Variants in CNBD1 observed in about 807,000 individuals in gnomAD.
CNBD1 encodes cyclic nucleotide binding domain containing 1, also known as cyclic nucleotide-binding domain-containing protein 1.
In CNBD1, 71 loss-of-function variants were observed where a neutral mutation model predicts 54.4. That is an observed-to-expected ratio of 1.30 (90% confidence interval 1.08 to 1.59). The LOEUF is 1.59. CNBD1 is among the 40% of genes most tolerant of loss of function. The probability of loss-of-function intolerance (pLI) is 0.00; values close to 1 mark genes in which losing one functional copy is unlikely to be tolerated. For synonymous variants in CNBD1, 182 were observed against 170.7 expected, an observed-to-expected ratio of 1.07 and a Z score of -0.51; for missense variants, 659 against 518.0, an observed-to-expected ratio of 1.27 and a Z score of -2.64.
chr8:86,950,538 T>C (rs1305549297), intron 4 of CNBD1, among the ~76,000 whole-genome samples: 1 of 152,168 alleles, frequency 6.6e-6, no homozygotes, highest in African/African-American at 2.4e-5. Flanking sequence ...TTGTTGTGTT[T>C]AGTTTGCTAG....
At chr8:87,400,839 G>T (rs1402039815) in intron 2 of CNBD1, among the ~76,000 whole-genome samples, 1 of 151,900 alleles carries the variant, frequency 6.6e-6, no homozygotes, top group Non-Finnish European at 1.5e-5. Context: ...TTCAACTTTG[G>T]CTGCTTATTG....
chr8:86,997,879 C>A (rs1808910833), intron 4 of CNBD1, among the ~76,000 whole-genome samples: 1 of 152,078 alleles, frequency 6.6e-6, no homozygotes, highest in Non-Finnish European at 1.5e-5. Flanking sequence ...GAATTCTCCC[C>A]TATAAGAAGC....
At chr8:87,062,595 G>A (rs1204747208) in intron 4 of CNBD1, among the ~76,000 whole-genome samples, 2 of 151,966 alleles carry the variant, frequency 1.3e-5, no homozygotes, top group Non-Finnish European at 2.9e-5. Context: ...AAATCAGCTG[G>A]GCATGGTGGC....
At chr8:87,304,498 A>AG (rs1232612580) in intron 8 of CNBD1, among the ~76,000 whole-genome samples, 1 of 150,284 alleles carries the variant, frequency 6.7e-6, no homozygotes, top group African/African-American at 2.5e-5. Context: ...GGGTGGGGTG[A>AG]GGGGGGAGAG....
chr8:87,269,996 C>A (rs1370491594), intron 6 of CNBD1, among the ~76,000 whole-genome samples: 1 of 151,876 alleles, frequency 6.6e-6, no homozygotes, highest in Non-Finnish European at 1.5e-5. Context: ...GAAATAGATA[C>A]AAAGATCCTC....
chr8:87,060,093 A>G (rs1293433101), intron 4 of CNBD1, among the ~76,000 whole-genome samples: 1 of 152,190 alleles, frequency 6.6e-6, no homozygotes, highest in Non-Finnish European at 1.5e-5. Flanking sequence ...CAGATGCAAG[A>G]AAACAAGTTT....
chr8:86,999,153 G>A (rs946257549), intron 4 of CNBD1, among the ~76,000 whole-genome samples: 4 of 152,122 alleles, frequency 2.6e-5, no homozygotes, highest in Non-Finnish European at 4.4e-5. Context: ...TGACATTCAC[G>A]GCTTCTTTTT....
chr8:87,365,034 T>A (rs1209509293), intron 10 of CNBD1, among the ~76,000 whole-genome samples: 1 of 152,062 alleles, frequency 6.6e-6, no homozygotes, highest in East Asian at 1.9e-4. Context: ...GATCAAATGG[T>A]AGTTCTTGTT....
rs182440013 is a variant in CNBD1 at position 87,348,668 on chromosome 8, C to G, written c.1043-3017C>G. Among the ~76,000 whole-genome samples the G allele has an allele frequency of 2.2e-3, 342 of 152,254 alleles. 1 individual carries two copies. The highest frequency in any genetic ancestry group is 3.9e-3 in the Non-Finnish European group (267 of 68,012). On this transcript the variant is annotated intron_variant, in intron 8 of 10. Transcript: ENST00000518476. ...GTTAGACTAGTAGGCTGAGGTTTAT[C>G]TTAAAATAAGAGGATGTCCTTTAAT...
At chr8:86,994,026 C>T (rs1808813049) in intron 4 of CNBD1, among the ~76,000 whole-genome samples, 1 of 152,150 alleles carries the variant, frequency 6.6e-6, no homozygotes, top group Non-Finnish European at 1.5e-5. Flanking sequence ...TCCAGCCCAG[C>T]CCAGTACAGG....
chr8:87,246,185 A>C (rs986877718), intron 6 of CNBD1, among the ~76,000 whole-genome samples: 5 of 152,086 alleles, frequency 3.3e-5, no homozygotes, highest in Admixed American at 1.3e-4. Flanking sequence ...CCTGGTCTAT[A>C]ATTTTTACTC....
intron 4 of CNBD1, among the ~76,000 whole-genome samples, chr8:87,034,707 T>C (rs949211533): frequency 1.3e-5 from 2 of 152,198 alleles, no homozygotes; most frequent in African/African-American, 4.8e-5. Context: ...ACTTAAACTT[T>C]CTTAAATTTT....
chr8:86,870,308 T>C (rs920817660), intron 1 of CNBD1, among the ~76,000 whole-genome samples: 9 of 150,602 alleles, frequency 6.0e-5, no homozygotes, highest in Non-Finnish European at 7.4e-5. Flanking sequence ...CCTGCCTCAG[T>C]CTCCTGAATA....
At chr8:87,276,060 A>G (rs181168795) in intron 6 of CNBD1, among the ~76,000 whole-genome samples, 1 of 151,992 alleles carries the variant, frequency 6.6e-6, no homozygotes, top group Non-Finnish European at 1.5e-5. Context: ...ACATATGACA[A>G]ATATAACCCT....
At position 87,092,019 on chromosome 8, in the gene CNBD1, A is replaced by G. The variant is rs77577230; in HGVS notation, c.432-113974A>G. ...CGTTATATTAATTTAATTTTTACAT[A>G]TAACAAATGCAGATGGTTATATTTA... On this transcript the variant is annotated intron_variant, in intron 4 of 10. Transcript: ENST00000518476. 3.0e-3 allele frequency among the ~76,000 whole-genome samples: 453 copies of G among 152,338 alleles called. 3 individuals are homozygous for G. Among genetic ancestry groups the G allele is most frequent in the African/African-American group, 0.01 (420 of 41,580 alleles).
At chr8:87,261,529 C>CA (rs34576530) in intron 6 of CNBD1, among the ~76,000 whole-genome samples, 41,747 of 120,048 alleles carry the variant, frequency 0.35, 6,683 homozygotes, top group Non-Finnish European at 0.4. Context: ...TATTTATAGA[C>CA]AAAAAAAAAA....
chr8:86,964,306 C>G (rs544022267), intron 4 of CNBD1, among the ~76,000 whole-genome samples: 1 of 152,124 alleles, frequency 6.6e-6, no homozygotes, highest in Non-Finnish European at 1.5e-5. Context: ...TCCATTCTCC[C>G]GTTTCATCAT....
At chr8:87,052,186 C>T (rs914640912) in intron 4 of CNBD1, among the ~76,000 whole-genome samples, 1 of 152,180 alleles carries the variant, frequency 6.6e-6, no homozygotes, top group Non-Finnish European at 1.5e-5. Context: ...TGGGCCTCTT[C>T]CTGGTCCCTG....
intron 4 of CNBD1, among the ~76,000 whole-genome samples, chr8:87,044,819 A>G (rs530278252): frequency 2.6e-5 from 4 of 152,300 alleles, no homozygotes; most frequent in South Asian, 2.1e-4. Flanking sequence ...AATCACAAAA[A>G]GAACAAAAGG....
Sources: gnomAD v4.1 joint callset for allele counts (sites outside exome capture counted in the v4.1 genomes callset) on GRCh38, gnomAD v4.1.1 for gene constraint, MANE v1.5 for transcripts, NCBI Gene and HGNC (gene_info 2026-07-23, HGNC 2026-07-21) for gene names.